The following PLSCR2 variants were observed in gnomAD, a reference collection of about 807,000 sequenced individuals.
The protein encoded by PLSCR2 is PL scramblase 2.
Under a neutral mutation model 25.3 loss-of-function variants are expected in PLSCR2, and 18 were observed. That is an observed-to-expected ratio of 0.71 (90% confidence interval 0.49 to 1.06). The LOEUF is 1.06. Ranked by LOEUF, PLSCR2 falls within the 50% of genes least tolerant of loss-of-function variation. The pLI is 0.00. For missense variants in PLSCR2, 243 were observed against 269.5 expected, an observed-to-expected ratio of 0.90 and a Z score of 0.69; for synonymous variants, 88 against 87.3, an observed-to-expected ratio of 1.01 and a Z score of -0.04.
chr3:146,493,783 G>GTTTTTTTTTT (rs34986699), intron 1 of PLSCR2, among the ~76,000 whole-genome samples: 1 of 54,786 alleles, frequency 1.8e-5, no homozygotes, highest in Non-Finnish European at 3.2e-5. Flanking sequence ...CCAAGGTGGC[G>GTTTTTTTTTT]TTTTTTTTTT....
At chr3:146,474,346 C>T (rs1576716648) in intron 1 of PLSCR2, among the ~76,000 whole-genome samples, 1 of 152,108 alleles carries the variant, frequency 6.6e-6, no homozygotes, top group Admixed American at 6.5e-5. Flanking sequence ...AAAGGTATAA[C>T]ACAGCTTTAT....
intron 2 of PLSCR2, among the ~76,000 whole-genome samples, chr3:146,415,739 T>C (rs1020992414): frequency 1.3e-5 from 2 of 152,136 alleles, no homozygotes; most frequent in African/African-American, 4.8e-5. Context: ...GGAAATTAAA[T>C]CAGAATTGAA....
intron 2 of PLSCR2, among the ~76,000 whole-genome samples, chr3:146,404,528 G>T (rs577249878): frequency 9.2e-5 from 14 of 152,246 alleles, no homozygotes; most frequent in African/African-American, 3.1e-4. Context: ...AAGTTTGGGG[G>T]ATGCATTCAG....
At chr3:146,422,317 C>T (rs1190691009) in intron 2 of PLSCR2, among the ~76,000 whole-genome samples, 1 of 152,056 alleles carries the variant, frequency 6.6e-6, no homozygotes, top group Non-Finnish European at 1.5e-5. Flanking sequence ...AAAACTGGCC[C>T]ATGAACGTAG....
chr3:146,469,750 C>T (rs2042036473), intron 1 of PLSCR2, 189 bp from the exon 1 acceptor site: 2 of 212,174 alleles, frequency 9.4e-6, no homozygotes, highest in African/African-American at 2.4e-5. Context: ...GCTGCTGGAG[C>T]GCGGCCGAGC....
At position 146,483,377 on chromosome 3, in the gene PLSCR2, C is replaced by T. The variant is rs991991023; in HGVS notation, c.-293+12518G>A. On this transcript the variant is annotated intron_variant, in intron 1 of 8. Coordinates refer to the PLSCR2 transcript ENST00000336685. ...AGCAAACCAACATGGCACATGTATA[C>T]CTATGTAACAAATCTGCATGTTGTA... Among the ~76,000 whole-genome samples, 7 of 141,184 alleles carry T rather than the reference C, an allele frequency of 5.0e-5. No individual in the cohort carries two copies. In the Admixed American group the frequency reaches 5.0e-4, roughly 10 times the overall value. 92.6% of individuals were successfully genotyped at this position (141,184 alleles called of 152,430 possible). A position where few individuals can be genotyped will look rare whatever the true frequency, so the allele number is the denominator to read the frequency against.
intron 1 of PLSCR2, among the ~76,000 whole-genome samples, chr3:146,482,341 A>G (rs1480870979): frequency 6.6e-6 from 1 of 152,238 alleles, no homozygotes; most frequent in Non-Finnish European, 1.5e-5. Context: ...CAAAGGGCTG[A>G]TATCCAGAAT....
intron 5 of PLSCR2, among the ~76,000 whole-genome samples, 182 bp from the exon 6 acceptor site, chr3:146,449,549 C>T (rs1409960388): frequency 6.6e-6 from 1 of 151,874 alleles, no homozygotes; most frequent in East Asian, 1.9e-4. Flanking sequence ...ACATAAAAAA[C>T]TGTTCTATTG....
At chr3:146,403,252 G>C (rs1189460836) in intron 2 of PLSCR2, among the ~76,000 whole-genome samples, 1 of 151,620 alleles carries the variant, frequency 6.6e-6, no homozygotes, top group Non-Finnish European at 1.5e-5. Flanking sequence ...TATCTGTAGA[G>C]CTGTCTAATT....
At chr3:146,440,620 A>G (rs746467527), downstream of PLSCR2, among the ~76,000 whole-genome samples, 1 of 152,104 alleles carries the variant, frequency 6.6e-6, no homozygotes, top group Non-Finnish European at 1.5e-5. Context: ...TCAGTTGGAA[A>G]AGCTGAAATC....
intron 2 of PLSCR2, among the ~76,000 whole-genome samples, chr3:146,426,483 T>C (rs1031929570): frequency 6.6e-6 from 1 of 152,110 alleles, no homozygotes; most frequent in Non-Finnish European, 1.5e-5. Flanking sequence ...CTTTTTAAAC[T>C]CTCTATAAAA....
At chr3:146,455,869 A>T (rs2041189043) in intron 3 of PLSCR2, among the ~76,000 whole-genome samples, 1 of 152,190 alleles carries the variant, frequency 6.6e-6, no homozygotes. Context: ...TACTATATTA[A>T]ATCAATTGGT....
At chr3:146,407,150 C>T (rs1477268231) in intron 2 of PLSCR2, among the ~76,000 whole-genome samples, 5 of 151,964 alleles carry the variant, frequency 3.3e-5, no homozygotes, top group South Asian at 2.1e-4. Context: ...TTTTAGGGTG[C>T]GGTTTATGCG....
At chr3:146,460,860 T>C (rs1190013860), upstream of PLSCR2, among the ~76,000 whole-genome samples, 1 of 152,230 alleles carries the variant, frequency 6.6e-6, no homozygotes, top group East Asian at 1.9e-4. Flanking sequence ...CTACAGCGTG[T>C]TCCTCTCCTG....
chr3:146,468,618 T>C (rs976093896), intron 1 of PLSCR2, among the ~76,000 whole-genome samples: 4 of 152,138 alleles, frequency 2.6e-5, no homozygotes, highest in Non-Finnish European at 4.4e-5. Context: ...CACACATTAA[T>C]TACTGCTCAA....
chr3:146,487,194 C>A (rs1470430684), intron 1 of PLSCR2, among the ~76,000 whole-genome samples: 2 of 152,156 alleles, frequency 1.3e-5, no homozygotes, highest in East Asian at 3.9e-4. Flanking sequence ...TTATGATGAA[C>A]CCACAGCCAA....
chr3:146,455,547 CTCCAAGTA>C (rs2041168350), intron 3 of PLSCR2, 88 bp from the exon 4 acceptor site: 3 of 760,656 alleles, frequency 3.9e-6, no homozygotes, highest in Non-Finnish European at 6.6e-6. Flanking sequence ...TTAGATGATG[CTCCAAGTA>C]TCATAGAAAG....
intron 1 of PLSCR2, among the ~76,000 whole-genome samples, chr3:146,471,337 T>C (rs1350487579): frequency 3.9e-5 from 6 of 152,218 alleles, no homozygotes; most frequent in Non-Finnish European, 7.3e-5. Context: ...TTCTAAATGT[T>C]TCCTACTGTG....
In PLSCR2 at chr3:146,454,188, C is replaced by T. The variant is rs372584242; in HGVS notation, c.322-25G>A. The T allele has an allele frequency of 7.8e-5, 115 of 1,469,720 alleles. No individual in the cohort carries two copies. The African/African-American group carries it at 8.7e-4, about 11-fold the overall frequency. 91.0% of individuals were successfully genotyped at this position (1,469,720 alleles called of 1,614,324 possible). ...TCTACAAAAGTAAAATATGTGTGAA[C>T]GTAATAAATCATCATAATAAAAATA... On this transcript the variant is annotated intron_variant, in intron 4 of 6. Transcript: ENST00000610787.
Sources: allele counts gnomAD v4.1 joint callset (sites outside exome capture counted in the v4.1 genomes callset), GRCh38; gene constraint gnomAD v4.1.1; transcripts MANE v1.5; gene names NCBI Gene and HGNC (gene_info 2026-07-23, HGNC 2026-07-21).